The following DAB2IP variants were observed in gnomAD, a reference collection of about 807,000 sequenced individuals.
DAB2IP encodes DAB2 interacting protein, also known as disabled homolog 2-interacting protein.
Under a neutral mutation model 107.2 loss-of-function variants are expected in DAB2IP, and 28 were observed. The observed-to-expected ratio is 0.26, with a 90% CI of 0.19 to 0.36. The LOEUF is 0.36. DAB2IP is among the 10% of genes least tolerant of loss of function. The probability of loss-of-function intolerance (pLI) is 1.00; values close to 1 mark genes in which losing one functional copy is unlikely to be tolerated. For missense variants in DAB2IP, 1,400 were observed against 1,644.7 expected, an observed-to-expected ratio of 0.85 and a Z score of 2.57; for synonymous variants, 755 against 706.4, an observed-to-expected ratio of 1.07 and a Z score of -1.09.
intron 1 of DAB2IP, among the ~76,000 whole-genome samples, chr9:121,591,274 G>C (rs1830417907): frequency 6.6e-6 from 1 of 152,214 alleles, no homozygotes; most frequent in Non-Finnish European, 1.5e-5. Context: ...TTCAATACCA[G>C]CCTGGCCAAC....
chr9:121,642,554 G>A (rs1422775018), intron 1 of DAB2IP, among the ~76,000 whole-genome samples: 2 of 143,568 alleles, frequency 1.4e-5, no homozygotes, highest in Non-Finnish European at 3.0e-5. Context: ...CAAACTCCTG[G>A]GCTCAAGTGA....
chr9:121,743,952 A>G (rs1832536034), intron 3 of DAB2IP, among the ~76,000 whole-genome samples: 1 of 152,224 alleles, frequency 6.6e-6, no homozygotes, highest in East Asian at 1.9e-4. Context: ...GCGGGACACC[A>G]AGAAGAGCAC....
Position 121,760,332 on chromosome 9 carries a change from C to CACT in DAB2IP, c.1066_1068dup (p.Tyr356dup). 1 of 1,613,446 alleles carries CACT rather than the reference C, an allele frequency of 6.2e-7. No individual in the cohort carries two copies. On this transcript the variant is annotated inframe_insertion, in exon 6 of 16. Transcript: ENST00000408936. The surrounding 1 kb of genome is among the most constrained non-coding windows in gnomAD (Gnocchi z 5.9). ...AGAGTTCGCTGAGCACATCACCAAC[C>CACT]ACTACCTGGGGCTGTGTGCAGCCCT...
intron 1 of DAB2IP, among the ~76,000 whole-genome samples, chr9:121,655,859 C>T (rs1417926806): frequency 6.6e-6 from 1 of 152,124 alleles, no homozygotes; most frequent in Non-Finnish European, 1.5e-5. Flanking sequence ...AGGTCCTCCT[C>T]CGTGCCTGTA....
chr9:121,646,513 C>G (rs189564804), intron 1 of DAB2IP, among the ~76,000 whole-genome samples: 1 of 106,064 alleles, frequency 9.4e-6, no homozygotes, highest in African/African-American at 3.5e-5. Context: ...GACCCTCTGT[C>G]CCCCCCACCC....
chr9:121,687,344 G>A (rs1251705032), intron 2 of DAB2IP, among the ~76,000 whole-genome samples: 1 of 152,192 alleles, frequency 6.6e-6, no homozygotes, highest in East Asian at 1.9e-4. Flanking sequence ...TCTGGGGCTG[G>A]GACAGCTGTC....
At chr9:121,567,379 C>A in intron 1 of DAB2IP, 2 of 1,171,286 alleles carry the variant, frequency 1.7e-6, no homozygotes, top group East Asian at 2.5e-5. Flanking sequence ...GGCATGGGTG[C>A]GTTGGGCTAT....
At chr9:121,712,204 A>G (rs1230041194) in intron 3 of DAB2IP, among the ~76,000 whole-genome samples, 3 of 152,206 alleles carry the variant, frequency 2.0e-5, no homozygotes, top group Non-Finnish European at 4.4e-5. Context: ...CTCCCATAGC[A>G]TGATAAAGGG....
chr9:121,658,719 C>T (rs193019689), intron 1 of DAB2IP, among the ~76,000 whole-genome samples: 5 of 152,294 alleles, frequency 3.3e-5, no homozygotes, highest in Admixed American at 2.6e-4. Context: ...CTTGGTTCCT[C>T]GGTCTAGACA....
chr9:121,615,115 T>C (rs1831224014), intron 1 of DAB2IP, among the ~76,000 whole-genome samples: 1 of 152,216 alleles, frequency 6.6e-6, no homozygotes, highest in African/African-American at 2.4e-5. Context: ...TGCCTTAGTG[T>C]ATCCTTGTTA....
At chr9:121,771,128 G>A (rs1160268183) in intron 11 of DAB2IP, among the ~76,000 whole-genome samples, 1 of 152,188 alleles carries the variant, frequency 6.6e-6, no homozygotes, top group African/African-American at 2.4e-5. Context: ...ATCTCCAGAA[G>A]TGTTTAGTTG....
At chr9:121,745,499 G>C (rs1589627638) in intron 3 of DAB2IP, among the ~76,000 whole-genome samples, 1 of 152,278 alleles carries the variant, frequency 6.6e-6, no homozygotes, top group Non-Finnish European at 1.5e-5. Flanking sequence ...GCCCCACGCA[G>C]ACTTCCAGAC....
intron 1 of DAB2IP, among the ~76,000 whole-genome samples, chr9:121,659,065 AAGGC>A: frequency 6.6e-6 from 1 of 152,326 alleles, no homozygotes; most frequent in East Asian, 1.9e-4. Flanking sequence ...GAAATGAAAA[AAGGC>A]AGAGCACAGG....
intron 1 of DAB2IP, among the ~76,000 whole-genome samples, chr9:121,617,715 C>T (rs1329301776): frequency 2.0e-5 from 3 of 152,210 alleles, no homozygotes; most frequent in Admixed American, 6.5e-5. Flanking sequence ...ATGAGGAAAT[C>T]GAGGCCCAGG....
At chr9:121,693,689 T>A (rs1471542854) in intron 2 of DAB2IP, among the ~76,000 whole-genome samples, 1 of 152,142 alleles carries the variant, frequency 6.6e-6, no homozygotes, top group African/African-American at 2.4e-5. Context: ...GTGACAAAGT[T>A]CTGCCAGGCC....
chr9:121,684,633 A>G lies in DAB2IP; in HGVS notation c.228+5852A>G, dbSNP rs1432664085. On this transcript the variant is annotated intron_variant, in intron 2 of 15. Coordinates refer to ENST00000408936, the Ensembl canonical transcript of DAB2IP. This position sits in a 1 kb window ranked among gnomAD's most constrained non-coding sequence, Gnocchi z 4.0. Reference sequence around the variant, plus strand: ...GCCTGAAGGAGGAATGCATGACTTCAGGTCCAGGAGGGGGCATTCTCTGCT... The same window carrying G: ...GCCTGAAGGAGGAATGCATGACTTCGGGTCCAGGAGGGGGCATTCTCTGCT... Among the ~76,000 whole-genome samples the G allele has an allele frequency of 6.6e-6, 1 of 152,172 alleles. No individual in the cohort carries two copies.
rs532514469 is a variant in DAB2IP at position 121,673,517 on chromosome 9, GA to G, written c.125-5153del. Among the ~76,000 whole-genome samples, 501 of 151,584 alleles carry G rather than the reference GA, an allele frequency of 3.3e-3. 3 individuals are homozygous for G. The highest frequency in any genetic ancestry group is 0.011 in the African/African-American group (469 of 41,372). ...AAAGTTGGTTCTTGGGCTAGAAGATGAAAAAAAACCTTTCTGTACAAAGCCC... is the reference window on the plus strand; with the variant it reads ...AAAGTTGGTTCTTGGGCTAGAAGATGAAAAAAACCTTTCTGTACAAAGCCC... On this transcript the variant is annotated intron_variant, in intron 1 of 15. Coordinates refer to ENST00000408936, the Ensembl canonical transcript of DAB2IP.
intron 2 of DAB2IP, among the ~76,000 whole-genome samples, chr9:121,694,776 CAG>C (rs1435284092): frequency 1.3e-5 from 2 of 152,052 alleles, no homozygotes; most frequent in Non-Finnish European, 2.9e-5. Flanking sequence ...GGGCCATCCA[CAG>C]AGAGGGGCGG....
intron 2 of DAB2IP, among the ~76,000 whole-genome samples, chr9:121,691,519 CAA>C (rs528251007): frequency 2.9e-4 from 21 of 73,626 alleles, no homozygotes; most frequent in Admixed American, 4.9e-4. Flanking sequence ...GACTCCATGT[CAA>C]AAAAAAAAAA....
Sources: allele counts gnomAD v4.1 joint callset (sites outside exome capture counted in the v4.1 genomes callset), GRCh38; gene constraint gnomAD v4.1.1; non-coding constraint Gnocchi (gnomAD v3.1); transcripts MANE v1.5; gene names NCBI Gene and HGNC (gene_info 2026-07-23, HGNC 2026-07-21).